Variants in OSBPL3 observed in about 807,000 individuals in gnomAD.
OSBPL3 encodes oxysterol-binding protein-related protein 3.
In OSBPL3, 65 loss-of-function variants were observed where a neutral mutation model predicts 120.1. That is an observed-to-expected ratio of 0.54 (90% CI 0.44 to 0.67). The LOEUF is 0.67. OSBPL3 is among the 30% of genes least tolerant of loss of function. OSBPL3 has a pLI of 0.00. For synonymous variants in OSBPL3, 416 were observed against 402.6 expected (o/e 1.03, Z -0.40); for missense variants, 1,004 against 1,082.1 (o/e 0.93, Z 1.01).
At position 24,916,093 on chromosome 7, in the gene OSBPL3, T is replaced by A. The variant is rs553836078; in HGVS notation, c.-149-23472A>T. Among the ~76,000 whole-genome samples the A allele has an allele frequency of 2.0e-4, 30 of 152,348 alleles. No individual in the cohort carries two copies. Among genetic ancestry groups the A allele is most frequent in the African/African-American group, 7.0e-4 (29 of 41,580 alleles). On this transcript the variant is annotated intron_variant, in intron 1 of 22. Transcript: ENST00000313367. The surrounding 1 kb of genome is among the most constrained non-coding windows in gnomAD (Gnocchi z 4.9). ...ACTCGATGTTTATCATGTTGTCCTG[T>A]TATTCTCAATCCATCCTGACTCCCA...
chr7:24,899,970 T>G lies in OSBPL3; in HGVS notation c.-149-7349A>C, dbSNP rs1212052630. 6.6e-6 allele frequency among the ~76,000 whole-genome samples: 1 copy of G among 152,206 alleles called. No homozygotes were observed. The highest frequency in any genetic ancestry group is 1.5e-5 in the Non-Finnish European group (1 of 68,036). On this transcript the variant is annotated intron_variant, in intron 1 of 22. Transcript: ENST00000313367. The surrounding 1 kb of genome is among the most constrained non-coding windows in gnomAD (Gnocchi z 4.0). ...TGACTTAGCCTGTAGCTTTCAACCT[T>G]TCTTATTTGACTCCAAGCCAATCCT...
intron 2 of OSBPL3, among the ~76,000 whole-genome samples, chr7:24,890,153 C>T (rs1805133206): frequency 6.6e-6 from 1 of 152,056 alleles, no homozygotes; most frequent in Non-Finnish European, 1.5e-5. Flanking sequence ...AGATGTATCC[C>T]CTCCAGATGA....
rs538383812 is a variant in OSBPL3 at position 24,819,127 on chromosome 7, C to A, written c.1948+1048G>T. 1.3e-5 allele frequency among the ~76,000 whole-genome samples: 2 copies of A among 151,994 alleles called. No homozygotes were observed. The highest frequency in any genetic ancestry group is 2.4e-5 in the African/African-American group (1 of 41,368). ...AATTAGCTGGGCATAGTGGCGCATGCCTGTAGTCCCAGCTACTCGGGAGGC... is the reference window on the plus strand; with the variant it reads ...AATTAGCTGGGCATAGTGGCGCATGACTGTAGTCCCAGCTACTCGGGAGGC... On this transcript the variant is annotated intron_variant, in intron 17 of 22. Coordinates refer to ENST00000313367, the MANE Select transcript of OSBPL3 (RefSeq NM_015550.4). The surrounding 1 kb of genome is among the most constrained non-coding windows in gnomAD (Gnocchi z 4.1).
chr7:24,822,919 A>T lies in OSBPL3; in HGVS notation c.1885-2681T>A, dbSNP rs1198692330. 1.3e-5 allele frequency among the ~76,000 whole-genome samples: 2 copies of T among 152,218 alleles called. No individual in the cohort carries two copies. The highest frequency in any genetic ancestry group is 1.3e-4 in the Admixed American group (2 of 15,276). On this transcript the variant is annotated intron_variant, in intron 16 of 22. Coordinates refer to ENST00000313367, the MANE Select transcript of OSBPL3 (RefSeq NM_015550.4). This position sits in a 1 kb window ranked among gnomAD's most constrained non-coding sequence, Gnocchi z 5.8. ...GAATAAGTCTCAACCTTCAAATATCAGTAACTTTGCTTATTTCTTTATGGC... is the reference window on the plus strand; with the variant it reads ...GAATAAGTCTCAACCTTCAAATATCTGTAACTTTGCTTATTTCTTTATGGC...
rs906459051 is a variant in OSBPL3 at position 24,881,749 on chromosome 7, T to A, written c.97-9680A>T. ...AAACAGATATTTATTCTCTAGCCGT[T>A]CTGGAGGCCAGAGGTCCAAAATCAA... is the stretch of plus-strand genomic sequence containing the variant. On this transcript the variant is annotated intron_variant, in intron 2 of 22. Transcript: ENST00000313367. The surrounding 1 kb of genome is among the most constrained non-coding windows in gnomAD (Gnocchi z 4.3). Among the ~76,000 whole-genome samples, 8 of 152,158 alleles carry A rather than the reference T, an allele frequency of 5.3e-5. No homozygotes were observed. The highest frequency in any genetic ancestry group is 2.6e-4 in the Admixed American group (4 of 15,280).
At position 24,980,145 on chromosome 7, in the gene OSBPL3, C is replaced by T. The variant is rs1818132438; in HGVS notation, c.-409G>A. 6.0e-6 allele frequency: 4 copies of T among 665,606 alleles called. No individual in the cohort carries two copies. Among genetic ancestry groups the T allele is most frequent in the Non-Finnish European group, 7.4e-6 (4 of 537,648 alleles). The allele number at this position is 665,606 out of a possible 1,614,324, so 41.2% of individuals were successfully genotyped here. On this transcript the variant is annotated 5_prime_UTR_variant, in exon 1 of 23. Coordinates refer to ENST00000313367, the MANE Select transcript of OSBPL3 (RefSeq NM_015550.4). ...CCGGCTGGCGGGCGCCACCAGCACG[C>T]GGCCAGTTCTGAGTACTTTGCCCAG...
intron 1 of OSBPL3, among the ~76,000 whole-genome samples, chr7:24,923,025 T>A (rs945154611): frequency 6.6e-6 from 1 of 152,154 alleles, no homozygotes; most frequent in Non-Finnish European, 1.5e-5. Flanking sequence ...CTATAACCAC[T>A]ACATACTTCC....
At chr7:24,823,920 G>C (rs970737256) in intron 16 of OSBPL3, among the ~76,000 whole-genome samples, 1 of 152,184 alleles carries the variant, frequency 6.6e-6, no homozygotes, top group Non-Finnish European at 1.5e-5. Context: ...ACCTGTCTTT[G>C]TTATTGCAGG....
chr7:24,843,563 C>T (rs536399450), intron 12 of OSBPL3, among the ~76,000 whole-genome samples: 305 of 152,264 alleles, frequency 2.0e-3, no homozygotes, highest in African/African-American at 2.6e-3. Context: ...AGCAGATTTT[C>T]GTAATTAATA....
rs1023799417 is a variant in OSBPL3, at chr7:24,877,825, A to G, written c.97-5756T>C. 6.6e-6 allele frequency among the ~76,000 whole-genome samples: 1 copy of G among 152,166 alleles called. No individual in the cohort carries two copies. The highest frequency in any genetic ancestry group is 6.5e-5 in the Admixed American group (1 of 15,282). On this transcript the variant is annotated intron_variant, in intron 2 of 22. Transcript: ENST00000313367. This position sits in a 1 kb window ranked among gnomAD's most constrained non-coding sequence, Gnocchi z 4.8. Reference sequence around the variant, plus strand: ...TGAGCTGCATATCCTGAGACACAGTACAGGGTAGACTTGGGCCCTTGGGGA... The same window carrying G: ...TGAGCTGCATATCCTGAGACACAGTGCAGGGTAGACTTGGGCCCTTGGGGA...
chr7:24,834,512 G>A lies in OSBPL3; in HGVS notation c.1720C>T (p.Gln574Ter). 6.2e-7 allele frequency: 1 copy of A among 1,613,216 alleles called. No homozygotes were observed. ...ATCCTTTCCAGGGGGCTGGGAATCTGCGCGGCCTTGTCCAGGAGCTCGCTG... is the reference window on the plus strand; with the variant it reads ...ATCCTTTCCAGGGGGCTGGGAATCTACGCGGCCTTGTCCAGGAGCTCGCTG... ...EYSELLDKAA[Q>*]IPSPLERMVY... Residue 574 changes from glutamine (Q) to a stop codon, truncating the protein, a stop_gained, in exon 15 of 23, where the codon CAG (glutamine) becomes TAG (stop). Transcript: ENST00000313367. LOFTEE classifies it high-confidence loss of function. This position sits in a 1 kb window ranked among gnomAD's most constrained non-coding sequence, Gnocchi z 5.2.
intron 10 of OSBPL3, among the ~76,000 whole-genome samples, chr7:24,853,756 CGT>C (rs1456865753): frequency 6.6e-6 from 1 of 152,002 alleles, no homozygotes; most frequent in African/African-American, 2.4e-5. Flanking sequence ...AAAGTGAAAG[CGT>C]GTGTGTGTAG....
rs149171434 is a variant in OSBPL3, at chr7:24,974,679, T to C, written c.-150+5207A>G. The stretch of plus-strand genomic sequence containing the variant: ...TACTAGGCAATAAAAAGGAATGAAG[T>C]ACTGATACATGCTACAACAGAAATT... On this transcript the variant is annotated intron_variant, in intron 1 of 22. Transcript: ENST00000313367. 7.6e-4 allele frequency among the ~76,000 whole-genome samples: 116 copies of C among 152,314 alleles called. No individual in the cohort carries two copies. In the East Asian group the frequency reaches 0.02, roughly 26 times the overall value.
rs947606920 is a variant in OSBPL3 at position 24,967,505 on chromosome 7, G to A, written c.-150+12381C>T. On this transcript the variant is annotated intron_variant, in intron 1 of 22. Transcript: ENST00000313367. The surrounding 1 kb of genome is among the most constrained non-coding windows in gnomAD (Gnocchi z 5.6). The stretch of plus-strand genomic sequence containing the variant: ...TTGACATTACCCTCCCCAACTCAAC[G>A]GTTATCATGGAAAAAGTACCCACCC... 3.9e-5 allele frequency among the ~76,000 whole-genome samples: 6 copies of A among 152,048 alleles called. No individual in the cohort carries two copies. The highest frequency in any genetic ancestry group is 8.8e-5 in the Non-Finnish European group (6 of 68,012).
intron 1 of OSBPL3, among the ~76,000 whole-genome samples, chr7:24,948,387 C>CT (rs1813994150): frequency 1.1e-5 from 1 of 94,132 alleles, no homozygotes; most frequent in African/African-American, 3.8e-5. Context: ...AGATTTACCT[C>CT]ATTTTTTTTT....
At chr7:24,816,513 A>T in intron 18 of OSBPL3, 97 bp downstream of exon 18, 4 of 769,026 alleles carry the variant, frequency 5.2e-6, no homozygotes, top group Non-Finnish European at 9.3e-6. Flanking sequence ...TACACACTCA[A>T]TGCAACTGCC....
intron 2 of OSBPL3, among the ~76,000 whole-genome samples, chr7:24,882,297 C>T (rs930620887): frequency 6.7e-6 from 1 of 150,168 alleles, no homozygotes. Context: ...GATCATTCCA[C>T]TCTCTATGTC....
At chr7:24,943,227 T>C (rs1339392584) in intron 1 of OSBPL3, among the ~76,000 whole-genome samples, 1 of 152,202 alleles carries the variant, frequency 6.6e-6, no homozygotes, top group East Asian at 1.9e-4. Context: ...TGCAGTGCCA[T>C]GCCCAGTACA....
rs1241486016 is a variant in OSBPL3 at position 24,881,978 on chromosome 7, T to G, written c.97-9909A>C. ...CTTATAAGGACATTTGTCAGTGAATTTAGGGCCCACCTGGATAATCTGAGC... is the reference window on the plus strand; with the variant it reads ...CTTATAAGGACATTTGTCAGTGAATGTAGGGCCCACCTGGATAATCTGAGC... On this transcript the variant is annotated intron_variant, in intron 2 of 22. Transcript: ENST00000313367. The surrounding 1 kb of genome is among the most constrained non-coding windows in gnomAD (Gnocchi z 4.3). Among the ~76,000 whole-genome samples the G allele has an allele frequency of 6.6e-6, 1 of 152,202 alleles. No homozygotes were observed. Among genetic ancestry groups the G allele is most frequent in the Admixed American group, 6.5e-5 (1 of 15,280 alleles).
Sources: allele counts gnomAD v4.1 joint callset (sites outside exome capture counted in the v4.1 genomes callset), GRCh38; gene constraint gnomAD v4.1.1; non-coding constraint Gnocchi (gnomAD v3.1); transcripts MANE v1.5; gene names NCBI Gene and HGNC (gene_info 2026-07-23, HGNC 2026-07-21).